The following PJA2 variants were observed in gnomAD, a reference collection of about 807,000 sequenced individuals.
PJA2 encodes the protein praja ring finger ubiquitin ligase 2.
Under a neutral mutation model 69.3 loss-of-function variants are expected in PJA2, and 25 were observed. That is an observed-to-expected ratio of 0.36 (90% confidence interval 0.26 to 0.50). PJA2 has a LOEUF of 0.50. PJA2 is among the 20% of genes least tolerant of loss of function. The probability of loss-of-function intolerance (pLI) is 0.96; values close to 1 mark genes in which losing one functional copy is unlikely to be tolerated. For missense variants in PJA2, 809 were observed against 830.2 expected, an observed-to-expected ratio of 0.97 and a Z score of 0.31; for synonymous variants, 308 against 277.8, an observed-to-expected ratio of 1.11 and a Z score of -1.08.
intron 1 of PJA2, among the ~76,000 whole-genome samples, chr5:109,406,950 C>T (rs1747704297): frequency 6.6e-6 from 1 of 152,172 alleles, no homozygotes; most frequent in South Asian, 2.1e-4. Context: ...TGTATTACAT[C>T]ATTCCACTTA....
At chr5:109,349,260 G>A (rs542742529) in intron 7 of PJA2, among the ~76,000 whole-genome samples, 10 of 152,242 alleles carry the variant, frequency 6.6e-5, no homozygotes, top group Middle Eastern at 3.4e-3. Flanking sequence ...CTATTGTGTC[G>A]GCTCTGTGAA....
chr5:109,409,298 T>C (rs528046943), intron 1 of PJA2: 1 of 152,264 alleles, frequency 6.6e-6, no homozygotes, highest in Non-Finnish European at 1.5e-5. Flanking sequence ...CGAGCCTCAC[T>C]GACAATCGGG....
At chr5:109,396,499 T>C (rs1468975239) in intron 1 of PJA2, among the ~76,000 whole-genome samples, 1 of 145,030 alleles carries the variant, frequency 6.9e-6, no homozygotes, top group Non-Finnish European at 1.5e-5. Context: ...TGATCTCGGC[T>C]CACTGCAACC....
intron 1 of PJA2, among the ~76,000 whole-genome samples, chr5:109,403,000 T>C (rs913788755): frequency 2.6e-5 from 4 of 151,604 alleles, no homozygotes; most frequent in Non-Finnish European, 5.9e-5. Context: ...TAGAGGAATT[T>C]AAACCCAAAG....
intron 4 of PJA2, among the ~76,000 whole-genome samples, chr5:109,368,992 GTT>G (rs1253019811): frequency 1.3e-5 from 2 of 152,048 alleles, no homozygotes; most frequent in Non-Finnish European, 2.9e-5. Context: ...AGATCTGGTT[GTT>G]TAAAAGTGTG....
At chr5:109,402,726 G>C (rs1747581673) in intron 1 of PJA2, among the ~76,000 whole-genome samples, 1 of 151,814 alleles carries the variant, frequency 6.6e-6, no homozygotes, top group Non-Finnish European at 1.5e-5. Flanking sequence ...AGTGTACATG[G>C]GACATTTACT....
intron 9 of PJA2, among the ~76,000 whole-genome samples, chr5:109,343,295 AAGAAAG>A (rs1762113100): frequency 7.4e-5 from 4 of 54,038 alleles, no homozygotes; most frequent in Non-Finnish European, 1.6e-4. Flanking sequence ...AAAAAAAAGA[AAGAAAG>A]AAAGAAAGAA....
intron 7 of PJA2, among the ~76,000 whole-genome samples, chr5:109,352,872 A>G (rs2126991583): frequency 6.7e-6 from 1 of 150,190 alleles, no homozygotes; most frequent in South Asian, 2.1e-4. Context: ...AGACATCTAT[A>G]TATTAGATAT....
At chr5:109,337,957 G>A (rs1200102168) in intron 9 of PJA2, among the ~76,000 whole-genome samples, 1 of 152,098 alleles carries the variant, frequency 6.6e-6, no homozygotes, top group Non-Finnish European at 1.5e-5. Context: ...AGAGATAAGA[G>A]TGTTAGGTGC....
At chr5:109,392,890 A>G (rs556034401) in intron 1 of PJA2, among the ~76,000 whole-genome samples, 1 of 152,350 alleles carries the variant, frequency 6.6e-6, no homozygotes, top group South Asian at 2.1e-4. Context: ...TGTACAAGGC[A>G]AAACAGTAAA....
intron 4 of PJA2, among the ~76,000 whole-genome samples, chr5:109,377,479 G>A (rs1052700302): frequency 2.0e-5 from 3 of 151,978 alleles, no homozygotes; most frequent in African/African-American, 7.3e-5. Flanking sequence ...AAAAAGATAC[G>A]GGTTTGTAAG....
chr5:109,368,352 T>C (rs1210642214), intron 5 of PJA2, among the ~76,000 whole-genome samples: 2 of 152,216 alleles, frequency 1.3e-5, no homozygotes, highest in Non-Finnish European at 2.9e-5. Flanking sequence ...GAGACATATA[T>C]TGTATCTCCA....
chr5:109,343,350 T>TAAA (rs55754432), intron 9 of PJA2, among the ~76,000 whole-genome samples: 4 of 40,024 alleles, frequency 1.0e-4, no homozygotes, highest in Non-Finnish European at 1.3e-4. Flanking sequence ...TAATGTACCA[T>TAAA]AAAAAAAAAA....
At chr5:109,349,085 G>A (rs1159066360) in intron 7 of PJA2, among the ~76,000 whole-genome samples, 1 of 152,150 alleles carries the variant, frequency 6.6e-6, no homozygotes, top group Non-Finnish European at 1.5e-5. Flanking sequence ...CTGGGAAATG[G>A]GTGAAACTTC....
chr5:109,341,473 T>C (rs1405803518), intron 9 of PJA2, among the ~76,000 whole-genome samples: 1 of 114,478 alleles, frequency 8.7e-6, no homozygotes, highest in Non-Finnish European at 1.9e-5. Context: ...GTGAGGAGCC[T>C]CTCCGCCCGG....
chr5:109,392,581 G>A (rs1747306456), intron 1 of PJA2, among the ~76,000 whole-genome samples: 1 of 137,216 alleles, frequency 7.3e-6, no homozygotes, highest in Admixed American at 7.2e-5. Context: ...AAAAAAAAGT[G>A]TCAAACAATA....
chr5:109,339,425 C>T (rs567900094), intron 9 of PJA2, among the ~76,000 whole-genome samples: 1 of 152,130 alleles, frequency 6.6e-6, no homozygotes, highest in South Asian at 2.1e-4. Flanking sequence ...TGCACATGTA[C>T]CCCACAGATT....
intron 7 of PJA2, among the ~76,000 whole-genome samples, chr5:109,346,817 C>T (rs983819410): frequency 1.1e-4 from 16 of 152,072 alleles, no homozygotes; most frequent in Admixed American, 2.0e-4. Context: ...CTGAACTGTA[C>T]ACTTTAAAAA....
At chr5:109,389,841 CT>C (rs1462739515) in intron 1 of PJA2, among the ~76,000 whole-genome samples, 1 of 150,472 alleles carries the variant, frequency 6.6e-6, no homozygotes, top group East Asian at 1.9e-4. Flanking sequence ...TCCACAGTGA[CT>C]TTGTTTTTCA....
Sources: gnomAD v4.1 joint callset for allele counts (sites outside exome capture counted in the v4.1 genomes callset) on GRCh38, gnomAD v4.1.1 for gene constraint, MANE v1.5 for transcripts, NCBI Gene and HGNC (gene_info 2026-07-23, HGNC 2026-07-21) for gene names.